Variants in FRMPD2 observed in about 807,000 individuals in gnomAD.
FRMPD2 encodes the protein FERM and PDZ domain-containing protein 2.
Under a neutral mutation model 140.1 loss-of-function variants are expected in FRMPD2, and 96 were observed. That is an observed-to-expected ratio of 0.69 (90% CI 0.58 to 0.81). The LOEUF (loss-of-function observed/expected upper bound fraction) is 0.81. Among genes scored for constraint, FRMPD2 ranks in the 40% least tolerant of loss-of-function variants. The probability of loss-of-function intolerance (pLI) is 0.00; values close to 1 mark genes in which losing one functional copy is unlikely to be tolerated. For synonymous variants in FRMPD2, 449 were observed against 547.6 expected (o/e 0.82, Z 2.52); for missense variants, 1,240 against 1,447.4 (o/e 0.86, Z 2.32).
chr10:48,250,037 AC>A (rs2131965304), intron 2 of FRMPD2, among the ~76,000 whole-genome samples: 1 of 152,258 alleles, frequency 6.6e-6, no homozygotes, highest in African/African-American at 2.4e-5. Flanking sequence ...TCACTTGGCC[AC>A]CTCAAGGCCG....
chr10:48,169,561 GGGTTCAA>G (rs1367692425), intron 26 of FRMPD2, among the ~76,000 whole-genome samples: 3 of 80,118 alleles, frequency 3.7e-5, no homozygotes, highest in Non-Finnish European at 8.6e-5. Flanking sequence ...TCAATGTCCA[GGGTTCAA>G]GGTTGCCTCG....
chr10:48,223,015 T>G, intron 11 of FRMPD2, 108 bp downstream of exon 11: 1 of 973,352 alleles, frequency 1.0e-6, no homozygotes, highest in African/African-American at 1.6e-5. Context: ...TATTGTTATT[T>G]GTATGTAATT....
chr10:48,193,585 A>G (rs1357637509), intron 15 of FRMPD2, among the ~76,000 whole-genome samples: 1 of 152,240 alleles, frequency 6.6e-6, no homozygotes, highest in Non-Finnish European at 1.5e-5. Context: ...ATGGGATTTG[A>G]AAAATAGAGC....
At chr10:48,221,978 T>TTGGATGGG (rs1554796574) in intron 12 of FRMPD2, among the ~76,000 whole-genome samples, 1 of 136,280 alleles carries the variant, frequency 7.3e-6, no homozygotes, top group Non-Finnish European at 1.6e-5. Context: ...GGATGGATGG[T>TTGGATGGG]TGGATGGATG....
At chr10:48,221,970 ATGGATGGT>A (rs1412437754) in intron 12 of FRMPD2, among the ~76,000 whole-genome samples, 27 of 129,428 alleles carry the variant, frequency 2.1e-4, no homozygotes, top group African/African-American at 7.8e-4. Flanking sequence ...GGGTGGATGG[ATGGATGGT>A]TGGATGGATG....
chr10:48,163,778 A>C lies in FRMPD2; in HGVS notation c.3538-107T>G. 3 of 659,138 alleles carry C rather than the reference A, an allele frequency of 4.6e-6. No homozygotes were observed. The South Asian group carries it at 5.5e-5, about 12-fold the overall frequency. The allele number at this position is 659,138 out of a possible 1,614,324, so 40.8% of individuals were successfully genotyped here. A position where few individuals can be genotyped will look rare whatever the true frequency, so the allele number is the denominator to read the frequency against. ...GATTATAGATCAGAGTAGTTACAAG[A>C]TGGGCTTTGAGGTCTGTCTATCACC... On this transcript the variant is annotated intron_variant, in intron 27 of 28. Coordinates refer to ENST00000374201, the MANE Select transcript of FRMPD2 (RefSeq NM_001018071.4).
Position 48,232,156 on chromosome 10 carries a change from T to C in FRMPD2, c.1127A>G (p.Asn376Ser), listed in dbSNP as rs1280928442. 3 of 1,614,134 alleles carry C rather than the reference T, an allele frequency of 1.9e-6. No homozygotes were observed. The highest frequency in any genetic ancestry group is 2.5e-6 in the Non-Finnish European group (3 of 1,180,022). ...AVFNAVTSFA[N>S]LEELTYFGLA... is the part of the protein sequence containing the mutation. ...GCCAAAGTAGGTGAGTTCCTCGAGG[T>C]TGGCAAAGGATGTCACGGCATTGAA... Residue 376 changes from asparagine (N) to serine (S), a missense_variant, in exon 10 of 29, where the codon AAC becomes AGC. Around this residue, in one of 6 missense-constraint regions of FRMPD2, gnomAD observed 1,161 missense variants for 1,055.9 expected, o/e 1.10. Coordinates refer to ENST00000374201, the MANE Select transcript of FRMPD2 (RefSeq NM_001018071.4).
At chr10:48,229,547 G>T (rs1839801154) in intron 10 of FRMPD2, among the ~76,000 whole-genome samples, 1 of 152,084 alleles carries the variant, frequency 6.6e-6, no homozygotes, top group Non-Finnish European at 1.5e-5. Flanking sequence ...ATGTTAAAAT[G>T]CATGGGAAAC....
At chr10:48,227,286 A>G (rs1458193493) in intron 10 of FRMPD2, among the ~76,000 whole-genome samples, 43 of 152,196 alleles carry the variant, frequency 2.8e-4, no homozygotes, top group Admixed American at 2.7e-3. Context: ...AAAAGTTACA[A>G]TAAGACTCTC....
At chr10:48,159,350 C>T (rs1837872559) in intron 28 of FRMPD2, 1 of 429,720 alleles carries the variant, frequency 2.3e-6, no homozygotes, top group Non-Finnish European at 4.7e-6. Flanking sequence ...GGACAGATAC[C>T]CCTGGGTATC....
chr10:48,263,674 A>G (rs1220703103), intron 1 of FRMPD2, among the ~76,000 whole-genome samples: 2 of 152,144 alleles, frequency 1.3e-5, no homozygotes, highest in Admixed American at 1.3e-4. Context: ...CAAAACATAA[A>G]GCACCAGGCC....
At chr10:48,220,306 T>G (rs1235263615) in intron 12 of FRMPD2, among the ~76,000 whole-genome samples, 10 of 152,186 alleles carry the variant, frequency 6.6e-5, no homozygotes, top group Non-Finnish European at 1.3e-4. Context: ...CAATTGATTT[T>G]TGACAAAGCA....
At chr10:48,185,337 G>A (rs1240867321) in intron 18 of FRMPD2, among the ~76,000 whole-genome samples, 1 of 152,084 alleles carries the variant, frequency 6.6e-6, no homozygotes, top group East Asian at 1.9e-4. Context: ...ATTGTACTTA[G>A]ATGCACCCCA....
rs1839869425 is a variant in FRMPD2, at chr10:48,232,262, G to A, written c.1021C>T (p.Leu341Phe). The part of the protein sequence containing the change: ...VTKKGKSYLA[L>F]RDLCVVLLNG... Reference sequence around the variant, plus strand: ...AGCAGGACCACACAGAGGTCCCTGAGAGCCAAATAGGATTTCCCTTTTTTG... The same window carrying A: ...AGCAGGACCACACAGAGGTCCCTGAAAGCCAAATAGGATTTCCCTTTTTTG... The change falls in exon 10 of 29, where the codon CTC becomes TTC. Residue 341 changes from leucine to phenylalanine, a missense_variant. Leu to Phe is a conservative substitution (Grantham distance 22). Around this residue, in one of 6 missense-constraint regions of FRMPD2, gnomAD observed 1,161 missense variants for 1,055.9 expected, o/e 1.10. Coordinates refer to ENST00000374201, the MANE Select transcript of FRMPD2 (RefSeq NM_001018071.4). 1 of 1,612,360 alleles carries A rather than the reference G, an allele frequency of 6.2e-7. No individual in the cohort carries two copies. Among genetic ancestry groups the A allele is most frequent in the Non-Finnish European group, 8.5e-7 (1 of 1,179,058 alleles).
In FRMPD2 at chr10:48,242,324, G is replaced by T. The variant is rs1840137957; in HGVS notation, c.404C>A (p.Ser135Tyr). The change falls in exon 5 of 29, where the codon TCC (serine) becomes TAC (tyrosine). Residue 135 changes from serine (S) to tyrosine (Y), a missense_variant. Physicochemically the swap from Ser to Tyr is moderately radical, Grantham distance 144. Around this residue, in one of 6 missense-constraint regions of FRMPD2, gnomAD observed 1,161 missense variants for 1,055.9 expected, o/e 1.10. Coordinates refer to ENST00000374201, the MANE Select transcript of FRMPD2 (RefSeq NM_001018071.4). ...QPLQLCEPLH[S>Y]ILLTMCEDQP... is the part of the protein sequence containing the mutation. ...GTCTTCACACATGGTCAGCAGGATG[G>T]AGTGCAGGGGCTCGCAGAGCTGCAG... 6.2e-7 allele frequency: 1 copy of T among 1,613,774 alleles called. No individual in the cohort carries two copies. Among genetic ancestry groups the T allele is most frequent in the Admixed American group, 1.7e-5 (1 of 59,998 alleles).
At chr10:48,211,435 T>C (rs1469604549) in intron 13 of FRMPD2, among the ~76,000 whole-genome samples, 1 of 152,170 alleles carries the variant, frequency 6.6e-6, no homozygotes, top group African/African-American at 2.4e-5. Context: ...TTGTCCTATG[T>C]GTCAACTATA....
At chr10:48,228,156 C>T in intron 10 of FRMPD2, among the ~76,000 whole-genome samples, 1 of 151,944 alleles carries the variant, frequency 6.6e-6, no homozygotes, top group East Asian at 1.9e-4. Context: ...GATTTACTAA[C>T]AATAAAAATA....
At chr10:48,170,897 T>C in intron 26 of FRMPD2, 97 bp downstream of exon 26, 1 of 965,478 alleles carries the variant, frequency 1.0e-6, no homozygotes, top group Non-Finnish European at 1.7e-6. Context: ...GGTATGATTT[T>C]TGAGAGCCCA....
chr10:48,199,511 T>C (rs928057364), intron 15 of FRMPD2, among the ~76,000 whole-genome samples: 1 of 152,212 alleles, frequency 6.6e-6, no homozygotes, highest in Non-Finnish European at 1.5e-5. Context: ...ACATTCATTG[T>C]TATTCTTGTT....
Sources: gnomAD v4.1 joint callset for allele counts (sites outside exome capture counted in the v4.1 genomes callset) on GRCh38, gnomAD v4.1.1 for gene constraint, gnomAD v4.1.1 regional missense constraint, MANE v1.5 for transcripts, NCBI Gene and HGNC (gene_info 2026-07-23, HGNC 2026-07-21) for gene names.